Variants in ADORA2B observed in about 807,000 individuals in gnomAD.
ADORA2B encodes the protein adenosine A2b receptor.
A neutral mutation model predicts 20.8 loss-of-function variants in ADORA2B; 18 were observed. The ratio of observed to expected loss-of-function variants is 0.87; its 90% CI spans 0.60 to 1.29. The LOEUF (loss-of-function observed/expected upper bound fraction) is 1.29, where lower values mean the gene tolerates loss of function less well. ADORA2B is among the 50% of genes most tolerant of loss of function. ADORA2B has a pLI of 0.00. For synonymous variants in ADORA2B, 179 were observed against 178.3 expected, an observed-to-expected ratio of 1.00 and a Z score of -0.03; for missense variants, 441 against 422.7, an observed-to-expected ratio of 1.04 and a Z score of -0.38.
the ADORA2B span, among the ~76,000 whole-genome samples, chr17:15,938,757 A>G: frequency 7.7e-4 from 118 of 152,352 alleles, no homozygotes; most frequent in Admixed American, 5.2e-4. Flanking sequence ...ACATGCCTAC[A>G]TATTTCTAAA....
the ADORA2B span, among the ~76,000 whole-genome samples, chr17:15,906,308 A>C: frequency 1.3e-5 from 2 of 152,240 alleles, no homozygotes; most frequent in Non-Finnish European, 2.9e-5. Flanking sequence ...GAGTTAGCAC[A>C]AATAACTGTC....
the ADORA2B span, among the ~76,000 whole-genome samples, chr17:15,854,614 A>T: frequency 6.6e-6 from 1 of 152,236 alleles, no homozygotes; most frequent in African/African-American, 2.4e-5. Context: ...CAAAAGCAAG[A>T]TATAAAACTA....
At chr17:15,874,062 GTGTGTGTA>G in the ADORA2B span, among the ~76,000 whole-genome samples, 2 of 99,574 alleles carry the variant, frequency 2.0e-5, no homozygotes, top group Admixed American at 9.5e-5. Flanking sequence ...ATATATATGT[GTGTGTGTA>G]TATATATATA....
the ADORA2B span, among the ~76,000 whole-genome samples, chr17:15,862,462 C>T: frequency 4.6e-5 from 7 of 152,174 alleles, no homozygotes; most frequent in African/African-American, 1.7e-4. Context: ...CTGCCCACTT[C>T]AGCCTCCCAA....
At chr17:15,937,278 A>G in the ADORA2B span, among the ~76,000 whole-genome samples, 1 of 152,218 alleles carries the variant, frequency 6.6e-6, no homozygotes, top group African/African-American at 2.4e-5. Flanking sequence ...TTTTTGTCAC[A>G]TGCAGCAGCT....
At chr17:15,875,623 G>A in the ADORA2B span, among the ~76,000 whole-genome samples, 15 of 152,116 alleles carry the variant, frequency 9.9e-5, no homozygotes, top group African/African-American at 1.4e-4. Context: ...TCACTCTGTC[G>A]CCAGGCTGGA....
the ADORA2B span, among the ~76,000 whole-genome samples, chr17:15,859,386 C>T: frequency 1 from 148,959 of 149,102 alleles, 74,408 homozygotes; most frequent in Middle Eastern, 1. Context: ...TCTTTAGTGA[C>T]GTAAATACTG....
the ADORA2B span, among the ~76,000 whole-genome samples, chr17:15,909,644 G>C: frequency 6.6e-6 from 1 of 152,176 alleles, no homozygotes; most frequent in South Asian, 2.1e-4. Context: ...AACTTGACAG[G>C]AGGTCATGTT....
rs756068420 is a variant in ADORA2B, at chr17:15,952,156, C to T, written c.335+6573C>T. The stretch of plus-strand genomic sequence containing the variant: ...CACCTGGCTCCTTTCTCGGTGACCA[C>T]GTGCAGGGCAGGACCCAATCCCTGT... On this transcript the variant is annotated intron_variant, in intron 1 of 1. Coordinates refer to ENST00000304222, the MANE Select transcript of ADORA2B (RefSeq NM_000676.4). Among the ~76,000 whole-genome samples the T allele has an allele frequency of 2.6e-5, 4 of 152,146 alleles. 1 individual carries two copies. In the South Asian group the frequency reaches 6.2e-4, roughly 24 times the overall value.
chr17:15,865,950 A>G, the ADORA2B span, among the ~76,000 whole-genome samples: 1 of 148,774 alleles, frequency 6.7e-6, no homozygotes, highest in Non-Finnish European at 1.5e-5. Context: ...TTTACACAGT[A>G]TTGAATCAGT....
At chr17:15,883,966 C>T in the ADORA2B span, among the ~76,000 whole-genome samples, 2 of 152,184 alleles carry the variant, frequency 1.3e-5, no homozygotes, top group East Asian at 1.9e-4. Flanking sequence ...TGCATTTGGT[C>T]TTGACCACAA....
intron 1 of ADORA2B, among the ~76,000 whole-genome samples, chr17:15,960,992 C>T (rs546017397): frequency 6.6e-6 from 1 of 151,370 alleles, no homozygotes; most frequent in African/African-American, 2.4e-5. Context: ...ATGGTGAAAC[C>T]CCGTCTCTAC....
At chr17:15,944,391 CA>C (rs1022563212), upstream of ADORA2B, among the ~76,000 whole-genome samples, 5 of 152,050 alleles carry the variant, frequency 3.3e-5, no homozygotes, top group African/African-American at 1.2e-4. The surrounding 1 kb of genome is among the most constrained non-coding windows in gnomAD (Gnocchi z 4.8). Flanking sequence ...TGTGCCGATC[CA>C]GGGTGAGTGT....
At position 15,959,577 on chromosome 17, in the gene ADORA2B, G is replaced by A. The variant is rs574865292; in HGVS notation, c.335+13994G>A. On this transcript the variant is annotated intron_variant, in intron 1 of 1. Coordinates refer to ENST00000304222, the MANE Select transcript of ADORA2B (RefSeq NM_000676.4). ...GTGCAATGGCGCGATCTGAGCTCAC[G>A]GCAACCTCCGCCTCCTGGGTCCAAG... 3.3e-5 allele frequency among the ~76,000 whole-genome samples: 5 copies of A among 149,280 alleles called. No homozygotes were observed. In the South Asian group the frequency reaches 8.4e-4, roughly 25 times the overall value.
chr17:15,934,356 G>T, the ADORA2B span, among the ~76,000 whole-genome samples: 1 of 152,064 alleles, frequency 6.6e-6, no homozygotes, highest in South Asian at 2.1e-4. Flanking sequence ...CTCCCAAGTA[G>T]CTGGGACTAC....
At chr17:15,854,245 G>A in the ADORA2B span, among the ~76,000 whole-genome samples, 10 of 152,166 alleles carry the variant, frequency 6.6e-5, no homozygotes, top group Admixed American at 6.5e-4. Flanking sequence ...GTGAGCCACC[G>A]CGCCTGGCCT....
chr17:15,864,632 A>C, the ADORA2B span, among the ~76,000 whole-genome samples: 1 of 152,122 alleles, frequency 6.6e-6, no homozygotes, highest in African/African-American at 2.4e-5. Flanking sequence ...AGAGAACGTG[A>C]GGGGGAGGGG....
chr17:15,855,795 C>T, the ADORA2B span, among the ~76,000 whole-genome samples: 3 of 152,040 alleles, frequency 2.0e-5, no homozygotes, highest in Non-Finnish European at 2.9e-5. Context: ...TCCCATCATT[C>T]GGGTGGTGAG....
chr17:15,885,172 T>C, the ADORA2B span, among the ~76,000 whole-genome samples: 1 of 152,246 alleles, frequency 6.6e-6, no homozygotes, highest in African/African-American at 2.4e-5. Context: ...TAATAAGTGA[T>C]GTTGAGCTTT....
Sources: gnomAD v4.1 joint callset for allele counts (sites outside exome capture counted in the v4.1 genomes callset) on GRCh38, gnomAD v4.1.1 for gene constraint, Gnocchi (gnomAD v3.1) non-coding constraint, MANE v1.5 for transcripts, NCBI Gene and HGNC (gene_info 2026-07-23, HGNC 2026-07-21) for gene names.